The following ALG5 variants were observed in gnomAD, a reference collection of about 807,000 sequenced individuals.
ALG5 encodes the protein dolichyl-phosphate beta-glucosyltransferase.
ALG5 carries 26 observed loss-of-function variants against 51.8 expected under a neutral mutation model. That is an observed-to-expected ratio of 0.50 (90% CI 0.37 to 0.70). ALG5 has a LOEUF of 0.70. ALG5 is among the 30% of genes least tolerant of loss of function. The pLI, the probability that ALG5 is intolerant of heterozygous loss-of-function variation, is 0.00. For missense variants in ALG5, 311 were observed against 399.3 expected, an observed-to-expected ratio of 0.78 and a Z score of 1.88; for synonymous variants, 141 against 136.1, an observed-to-expected ratio of 1.04 and a Z score of -0.25.
intron 9 of ALG5, among the ~76,000 whole-genome samples, chr13:36,950,363 A>G (rs1415596373): frequency 6.6e-6 from 1 of 152,196 alleles, no homozygotes; most frequent in Non-Finnish European, 1.5e-5. Context: ...TAAAAAAACT[A>G]CTCACTGAGT....
chr13:36,962,824 T>C (rs374041586), intron 8 of ALG5, among the ~76,000 whole-genome samples: 23 of 152,202 alleles, frequency 1.5e-4, no homozygotes, highest in East Asian at 1.2e-3. Context: ...TGAATTGAGA[T>C]GTGCTGTAAA....
intron 6 of ALG5, among the ~76,000 whole-genome samples, chr13:36,973,107 A>T (rs955740894): frequency 3.6e-4 from 54 of 151,414 alleles, no homozygotes; most frequent in African/African-American, 1.3e-3. Flanking sequence ...AAAAAAAAAA[A>T]GGTCCTTGTT....
At chr13:36,985,981 T>C (rs1239450230) in intron 5 of ALG5, among the ~76,000 whole-genome samples, 2 of 152,260 alleles carry the variant, frequency 1.3e-5, no homozygotes, top group South Asian at 2.1e-4. Flanking sequence ...TCTTGGAAAA[T>C]ACCAAGATAA....
chr13:36,989,458 A>G (rs759543599), intron 5 of ALG5, 26 bp downstream of exon 5: 5 of 1,554,904 alleles, frequency 3.2e-6, no homozygotes, highest in Non-Finnish European at 4.4e-6. Context: ...CATATTTTAG[A>G]TAAAAATGTT....
chr13:36,950,191 A>G, intron 9 of ALG5, 134 bp from the exon 10 acceptor site: 1 of 537,622 alleles, frequency 1.9e-6, no homozygotes, highest in South Asian at 3.0e-5. Context: ...CCAAAAAGTT[A>G]AACAATTTCA....
chr13:36,975,451 T>C (rs1204659814), intron 6 of ALG5, among the ~76,000 whole-genome samples: 1 of 152,236 alleles, frequency 6.6e-6, no homozygotes, highest in African/African-American at 2.4e-5. Context: ...CTTGATAAGA[T>C]TCAAGTTTGA....
rs1374955209 is a variant in ALG5 at position 36,989,580 on chromosome 13, T to C, written c.355-4A>G. 3.2e-6 allele frequency: 5 copies of C among 1,586,682 alleles called. No individual in the cohort carries two copies. The highest frequency in any genetic ancestry group is 2.7e-5 in the African/African-American group (2 of 74,290). ...TCTGGCAATATTTAAAAGCTACCTA[T>C]GAAATTATATAAAAATCAGAATAAA... On this transcript the variant is annotated splice_polypyrimidine_tract_variant and splice_region_variant and intron_variant, in intron 4 of 9. Transcript: ENST00000239891.
intron 8 of ALG5, among the ~76,000 whole-genome samples, chr13:36,957,442 C>A (rs561802969): frequency 2.0e-5 from 3 of 152,208 alleles, no homozygotes; most frequent in Admixed American, 6.5e-5. Flanking sequence ...CTGAGGCTTA[C>A]AGAGTGACAA....
intron 5 of ALG5, 126 bp downstream of exon 5, chr13:36,989,358 T>C: frequency 1.5e-6 from 1 of 656,080 alleles, no homozygotes; most frequent in Non-Finnish European, 2.6e-6. Context: ...GAAGTTATTA[T>C]TAAAATTATG....
At chr13:36,969,068 G>A (rs1224912881) in intron 7 of ALG5, among the ~76,000 whole-genome samples, 2 of 152,186 alleles carry the variant, frequency 1.3e-5, no homozygotes, top group African/African-American at 4.8e-5. Flanking sequence ...TGGATGGATG[G>A]AGACAAGATG....
At chr13:36,952,970 A>G (rs1402639411) in intron 8 of ALG5, 1 of 158,376 alleles carries the variant, frequency 6.3e-6, no homozygotes, top group Admixed American at 6.5e-5. Context: ...ACTGATTCAG[A>G]CAGCTGATAA....
intron 6 of ALG5, among the ~76,000 whole-genome samples, chr13:36,982,790 T>C (rs2138815876): frequency 6.6e-6 from 1 of 152,314 alleles, no homozygotes; most frequent in East Asian, 1.9e-4. Flanking sequence ...ATTTGCCTCC[T>C]TTCCACCTCC....
chr13:36,997,518 AAACTGTC>A (rs1566069921), intron 1 of ALG5, among the ~76,000 whole-genome samples: 1 of 151,814 alleles, frequency 6.6e-6, no homozygotes, highest in African/African-American at 2.4e-5. Context: ...GGGGGAGGAG[AAACTGTC>A]AACTGATTAA....
At chr13:36,994,910 C>T (rs2059042033) in intron 3 of ALG5, 79 bp downstream of exon 3, 2 of 1,248,308 alleles carry the variant, frequency 1.6e-6, no homozygotes. Context: ...TCTCACAGTG[C>T]ATCTGGCTTG....
intron 8 of ALG5, among the ~76,000 whole-genome samples, chr13:36,958,641 G>C (rs903111891): frequency 6.6e-6 from 1 of 152,146 alleles, no homozygotes; most frequent in African/African-American, 2.4e-5. Context: ...TTTTCCTGTT[G>C]AGAGTGGGAA....
In ALG5 at chr13:36,961,848, C is replaced by A. The variant is rs574792216; in HGVS notation, c.773+3727G>T. On this transcript the variant is annotated intron_variant, in intron 8 of 9. Transcript: ENST00000239891. ...CCAGACTGGAGTGCAGTGGCGTGAT[C>A]TCGGCTCACTGCAACCTCTGCCTCC... Among the ~76,000 whole-genome samples the A allele has an allele frequency of 9.9e-4, 150 of 152,228 alleles. 1 individual carries two copies. Among genetic ancestry groups the A allele is most frequent in the African/African-American group, 3.3e-3 (138 of 41,536 alleles).
At chr13:36,962,851 A>G (rs2058874251) in intron 8 of ALG5, among the ~76,000 whole-genome samples, 1 of 152,224 alleles carries the variant, frequency 6.6e-6, no homozygotes, top group Admixed American at 6.5e-5. Flanking sequence ...TATATAGTAC[A>G]AAGAAAATAA....
intron 6 of ALG5, among the ~76,000 whole-genome samples, chr13:36,972,262 G>A (rs189242235): frequency 5.3e-5 from 8 of 152,194 alleles, no homozygotes; most frequent in Admixed American, 6.5e-5. Context: ...TAAGGGGCAT[G>A]CGTTATGTTA....
chr13:36,975,983 AAAAC>A (rs1319929597), intron 6 of ALG5, among the ~76,000 whole-genome samples: 4 of 151,958 alleles, frequency 2.6e-5, no homozygotes, highest in African/African-American at 7.3e-5. Flanking sequence ...CAAAAAAAAA[AAAAC>A]AAAACAAAAC....
Sources: gnomAD v4.1 joint callset for allele counts (sites outside exome capture counted in the v4.1 genomes callset) on GRCh38, gnomAD v4.1.1 for gene constraint, MANE v1.5 for transcripts, NCBI Gene and HGNC (gene_info 2026-07-23, HGNC 2026-07-21) for gene names.